TEX11: variants seen among roughly 807,000 people sequenced by gnomAD.
The protein encoded by TEX11 is testis-expressed protein 11.
A neutral mutation model predicts 84.4 loss-of-function variants in TEX11; 7 were observed. The observed-to-expected ratio is 0.08, with a 90% CI of 0.05 to 0.16. The LOEUF (loss-of-function observed/expected upper bound fraction) is 0.16, where lower values mean the gene tolerates loss of function less well. Among genes scored for constraint, TEX11 ranks in the 10% least tolerant of loss-of-function variants. The probability of loss-of-function intolerance (pLI) is 1.00; values close to 1 mark genes in which losing one functional copy is unlikely to be tolerated. For missense variants in TEX11, 551 were observed against 660.5 expected (o/e 0.83, Z 1.82); for synonymous variants, 264 against 222.8 (o/e 1.18, Z -1.64).
chrX:70,673,912 T>C (rs1300314437), intron 15 of TEX11, among the ~76,000 whole-genome samples: 1 of 111,591 alleles, frequency 9.0e-6, no homozygotes, highest in Non-Finnish European at 1.9e-5. Flanking sequence ...ATAATTTTTA[T>C]TTTAGGTTTA....
chrX:70,555,681 T>C (rs1359116015), intron 25 of TEX11, among the ~76,000 whole-genome samples: 2 of 112,386 alleles, frequency 1.8e-5, no homozygotes, highest in Non-Finnish European at 3.8e-5. Flanking sequence ...GATAATAGTC[T>C]CATAAGATGA....
chrX:70,876,523 G>A (rs7880237), intron 3 of TEX11, among the ~76,000 whole-genome samples: 10,540 of 111,281 alleles, frequency 0.095, 635 homozygotes, highest in East Asian at 0.28. Flanking sequence ...AATGTATAAT[G>A]ATAAGCATGG....
At chrX:70,888,085 C>G (rs903658473) in intron 2 of TEX11, among the ~76,000 whole-genome samples, 3 of 112,874 alleles carry the variant, frequency 2.7e-5, no homozygotes, top group Non-Finnish European at 5.6e-5. Flanking sequence ...ATCTGGAAAG[C>G]CTTCCAAAGA....
intron 24 of TEX11, among the ~76,000 whole-genome samples, chrX:70,598,523 G>A (rs1331090738): frequency 8.9e-6 from 1 of 111,818 alleles, no homozygotes; most frequent in Non-Finnish European, 1.9e-5. Flanking sequence ...ATTTCATATT[G>A]AAAGAAATGA....
At chrX:70,734,756 T>A (rs1208714970) in intron 11 of TEX11, among the ~76,000 whole-genome samples, 1 of 111,753 alleles carries the variant, frequency 8.9e-6, no homozygotes, top group Non-Finnish European at 1.9e-5. Context: ...ATGATCAAAT[T>A]TTATTTTATC....
chrX:70,869,771 T>G (rs978460518), intron 4 of TEX11, among the ~76,000 whole-genome samples: 2 of 109,572 alleles, frequency 1.8e-5, no homozygotes, highest in African/African-American at 6.6e-5. Context: ...AGCCAGATCC[T>G]GTCTCAAAAA....
chrX:70,833,279 A>AAAAAGAAAAG (rs201329658), intron 8 of TEX11, among the ~76,000 whole-genome samples: 1,166 of 103,327 alleles, frequency 0.011, 20 homozygotes, highest in African/African-American at 0.042. Flanking sequence ...CAGAAAAAAA[A>AAAAAGAAAAG]AAAAGAAAAG....
At chrX:70,862,928 A>G (rs1015153133) in intron 4 of TEX11, among the ~76,000 whole-genome samples, 4 of 109,314 alleles carry the variant, frequency 3.7e-5, no homozygotes, top group African/African-American at 1.3e-4. Context: ...AAAAAAAAAA[A>G]AAGAAGAGGG....
At chrX:70,512,887 C>T in the TEX11 span, among the ~76,000 whole-genome samples, 2 of 109,028 alleles carry the variant, frequency 1.8e-5, no homozygotes, top group Admixed American at 9.7e-5. Flanking sequence ...CTCCACCTTC[C>T]TCCACCTCTT....
chrX:70,637,463 C>G (rs925266996), intron 17 of TEX11, among the ~76,000 whole-genome samples: 1 of 112,292 alleles, frequency 8.9e-6, no homozygotes, highest in Non-Finnish European at 1.9e-5. Context: ...ATAATGCACA[C>G]GTATGTTCAT....
At chrX:70,657,953 A>T (rs2089887322) in intron 16 of TEX11, among the ~76,000 whole-genome samples, 1 of 95,680 alleles carries the variant, frequency 1.0e-5, no homozygotes, top group Non-Finnish European at 2.1e-5. Flanking sequence ...GAGGGATAGC[A>T]TTAGGAGATA....
downstream of TEX11, among the ~76,000 whole-genome samples, chrX:70,527,598 G>A (rs138040473): frequency 7.0e-3 from 784 of 111,614 alleles, 2 homozygotes; most frequent in Non-Finnish European, 0.012. Flanking sequence ...CCTGAACTTA[G>A]GAAGGACTTT....
chrX:70,597,226 T>C lies in TEX11; in HGVS notation c.2068-5403A>G, dbSNP rs190397721. Reference sequence around the variant, plus strand: ...ATATTCTCCCTAAACTGATTTACAGTTTCAATGCAACCCCTATCAAAATCA... The same window carrying C: ...ATATTCTCCCTAAACTGATTTACAGCTTCAATGCAACCCCTATCAAAATCA... On this transcript the variant is annotated intron_variant, in intron 24 of 29. Transcript: ENST00000374333. 8.6e-3 allele frequency among the ~76,000 whole-genome samples: 966 copies of C among 111,933 alleles called. 12 individuals carry two copies. Among genetic ancestry groups the C allele is most frequent in the African/African-American group, 0.03 (929 of 30,863 alleles).
At chrX:70,674,439 T>C (rs895911621) in intron 15 of TEX11, among the ~76,000 whole-genome samples, 2 of 111,989 alleles carry the variant, frequency 1.8e-5, no homozygotes, top group Non-Finnish European at 3.8e-5. Context: ...CTGGGCCAAA[T>C]GGTATTCTGC....
intron 7 of TEX11, among the ~76,000 whole-genome samples, chrX:70,837,460 G>A (rs763116404): frequency 9.0e-6 from 1 of 111,075 alleles, no homozygotes; most frequent in South Asian, 3.8e-4. Flanking sequence ...CTACTTGGGA[G>A]GCTGAGGCAG....
intron 25 of TEX11, among the ~76,000 whole-genome samples, chrX:70,590,861 T>C (rs961643913): frequency 9.0e-6 from 1 of 111,533 alleles, no homozygotes; most frequent in African/African-American, 3.3e-5. Flanking sequence ...GATTCAAGGA[T>C]GCCTCAGCCT....
At chrX:70,640,099 G>C (rs1291598031) in intron 17 of TEX11, among the ~76,000 whole-genome samples, 1 of 108,566 alleles carries the variant, frequency 9.2e-6, no homozygotes, top group South Asian at 4.1e-4. Context: ...TGAAAACCAA[G>C]GCTCGAGAAC....
intron 20 of TEX11, among the ~76,000 whole-genome samples, chrX:70,613,058 C>T (rs890442493): frequency 1.8e-5 from 2 of 111,415 alleles, no homozygotes; most frequent in African/African-American, 6.5e-5. Flanking sequence ...TCCCACTAAC[C>T]CAGAATTTTG....
At chrX:70,786,261 T>G (rs942434897) in intron 9 of TEX11, among the ~76,000 whole-genome samples, 2 of 110,884 alleles carry the variant, frequency 1.8e-5, no homozygotes, top group Non-Finnish European at 3.8e-5. Context: ...TAGGTGGGAA[T>G]TGAACCATGA....
Sources: gnomAD v4.1 joint callset for allele counts (sites outside exome capture counted in the v4.1 genomes callset) on GRCh38, gnomAD v4.1.1 for gene constraint, MANE v1.5 for transcripts, NCBI Gene and HGNC (gene_info 2026-07-23, HGNC 2026-07-21) for gene names.